The following SIPA1L1 variants were observed in gnomAD, a reference collection of about 807,000 sequenced individuals.
The protein encoded by SIPA1L1 is signal induced proliferation associated 1 like 1, also known as signal-induced proliferation-associated 1-like protein 1.
In SIPA1L1, 26 loss-of-function variants were observed where a neutral mutation model predicts 162.7. The observed-to-expected ratio is 0.16, with a 90% CI of 0.12 to 0.22. The LOEUF is 0.22. SIPA1L1 is among the 10% of genes least tolerant of loss of function. SIPA1L1 has a pLI of 1.00. For missense variants in SIPA1L1, 1,874 were observed against 2,241.0 expected (o/e 0.84, Z 3.31); for synonymous variants, 829 against 837.4 (o/e 0.99, Z 0.17).
At chr14:71,570,495 G>A (rs917996598) in intron 4 of SIPA1L1, among the ~76,000 whole-genome samples, 1 of 151,940 alleles carries the variant, frequency 6.6e-6, no homozygotes, top group African/African-American at 2.4e-5. Flanking sequence ...GAACTCCTGA[G>A]CTCAAGAGAT....
At chr14:71,561,451 G>T (rs562274245) in intron 4 of SIPA1L1, among the ~76,000 whole-genome samples, 22 of 152,220 alleles carry the variant, frequency 1.4e-4, no homozygotes, top group African/African-American at 5.1e-4. Flanking sequence ...AATTCGCAGT[G>T]CCCACCAGCA....
chr14:71,706,155 AC>A (rs1273191529), intron 16 of SIPA1L1, among the ~76,000 whole-genome samples: 2 of 152,220 alleles, frequency 1.3e-5, no homozygotes, highest in Non-Finnish European at 2.9e-5. Flanking sequence ...GCTAAAAAAA[AC>A]AAGCAAGAGT....
chr14:71,705,340 T>C lies in SIPA1L1; in HGVS notation c.3765T>C (p.His1255=). The change falls in exon 16 of 24, where the codon CAT becomes CAC. Residue 1255 remains histidine, a splice_region_variant and synonymous_variant. Transcript: ENST00000381232. ...ATTTGTCTCCAAACAAACAAGGGCATGTAAGTTAACTGTAAACTTAAAAAA... is the reference window on the plus strand; with the variant it reads ...ATTTGTCTCCAAACAAACAAGGGCACGTAAGTTAACTGTAAACTTAAAAAA... ...VVHLSPNKQG[H]SDSHYSSHSS... The C allele has an allele frequency of 6.2e-7, 1 of 1,606,062 alleles. No homozygotes were observed. Among genetic ancestry groups the C allele is most frequent in the East Asian group, 2.2e-5 (1 of 44,840 alleles).
intron 2 of SIPA1L1, among the ~76,000 whole-genome samples, chr14:71,366,869 A>G (rs1305246819): frequency 1.3e-5 from 2 of 152,196 alleles, no homozygotes; most frequent in Admixed American, 6.5e-5. Flanking sequence ...AGTGCTTTTT[A>G]AAACTTATTT....
At chr14:71,577,683 T>G (rs1184333454) in intron 4 of SIPA1L1, among the ~76,000 whole-genome samples, 1 of 151,864 alleles carries the variant, frequency 6.6e-6, no homozygotes, top group East Asian at 1.9e-4. Flanking sequence ...CCAGCTGCAC[T>G]TTGTGTTATA....
At chr14:71,517,376 T>G (rs949133671) in intron 3 of SIPA1L1, among the ~76,000 whole-genome samples, 1 of 152,168 alleles carries the variant, frequency 6.6e-6, no homozygotes, top group African/African-American at 2.4e-5. Flanking sequence ...CCCCTTGAGT[T>G]TTTTCACTTG....
chr14:71,656,273 G>A (rs1177877840), intron 8 of SIPA1L1, among the ~76,000 whole-genome samples: 1 of 152,244 alleles, frequency 6.6e-6, no homozygotes, highest in Non-Finnish European at 1.5e-5. Flanking sequence ...TTCCTCTCTG[G>A]CAGTAATCCT....
chr14:71,460,930 G>A (rs1371003396), intron 2 of SIPA1L1, among the ~76,000 whole-genome samples: 1 of 152,196 alleles, frequency 6.6e-6, no homozygotes, highest in Non-Finnish European at 1.5e-5. Flanking sequence ...TATCAATCCA[G>A]CTGCTTCAGG....
intron 4 of SIPA1L1, among the ~76,000 whole-genome samples, chr14:71,556,042 T>A (rs1297827061): frequency 6.6e-6 from 1 of 152,140 alleles, no homozygotes; most frequent in African/African-American, 2.4e-5. Context: ...AGTGAGCACA[T>A]GCTGTTGGAA....
At chr14:71,462,546 G>A (rs889203245) in intron 2 of SIPA1L1, among the ~76,000 whole-genome samples, 1 of 152,190 alleles carries the variant, frequency 6.6e-6, no homozygotes, top group Non-Finnish European at 1.5e-5. Context: ...GGTTGTAGGA[G>A]GAGCCAAATG....
At chr14:71,359,440 A>G (rs2037585771) in intron 2 of SIPA1L1, among the ~76,000 whole-genome samples, 1 of 152,166 alleles carries the variant, frequency 6.6e-6, no homozygotes, top group Admixed American at 6.5e-5. Flanking sequence ...TCTCCTCCAT[A>G]TAATTTGTCT....
chr14:71,687,171 C>A (rs1798614733), intron 13 of SIPA1L1, among the ~76,000 whole-genome samples: 1 of 152,214 alleles, frequency 6.6e-6, no homozygotes, highest in Non-Finnish European at 1.5e-5. Flanking sequence ...TCTACAACTT[C>A]TCATTTCATC....
intron 5 of SIPA1L1, among the ~76,000 whole-genome samples, chr14:71,594,000 A>C (rs566126431): frequency 3.4e-4 from 52 of 152,314 alleles, no homozygotes; most frequent in African/African-American, 1.2e-3. Context: ...ATGCTTATGC[A>C]CCTAAATATT....
At chr14:71,544,009 A>ATATATACACACACGCACATGTATG (rs2054806267) in intron 4 of SIPA1L1, among the ~76,000 whole-genome samples, 1 of 147,664 alleles carries the variant, frequency 6.8e-6, no homozygotes, top group Non-Finnish European at 1.5e-5. Flanking sequence ...ACGCACATGT[A>ATATATACACACACGCACATGTATG]TATATACACA....
intron 2 of SIPA1L1, among the ~76,000 whole-genome samples, chr14:71,359,235 C>T (rs780439393): frequency 7.9e-5 from 12 of 152,170 alleles, no homozygotes; most frequent in Non-Finnish European, 1.5e-4. Flanking sequence ...GGGCAGTTCC[C>T]CTGCACACGC....
At chr14:71,641,841 T>TA (rs916546220) in intron 7 of SIPA1L1, among the ~76,000 whole-genome samples, 5 of 151,916 alleles carry the variant, frequency 3.3e-5, no homozygotes, top group African/African-American at 7.3e-5. Context: ...TAATTTATAG[T>TA]AAAAAAAACA....
intron 8 of SIPA1L1, among the ~76,000 whole-genome samples, chr14:71,651,703 A>G (rs1449030308): frequency 6.6e-6 from 1 of 152,228 alleles, no homozygotes; most frequent in East Asian, 1.9e-4. Flanking sequence ...GAGAATGTGT[A>G]ATAAGCTCAG....
intron 2 of SIPA1L1, among the ~76,000 whole-genome samples, chr14:71,458,854 TGAGCTCAGGAGTTAG>T (rs1481010350): frequency 6.6e-5 from 10 of 152,088 alleles, no homozygotes; most frequent in African/African-American, 2.2e-4. Context: ...GGGGATTACC[TGAGCTCAGGAGTTAG>T]AGACCAACCT....
rs539293669 is a variant in SIPA1L1, at chr14:71,700,994, C to CAAAAAAAAAAA, written c.3522-1357_3522-1347dup. Among the ~76,000 whole-genome samples, 30 of 51,750 alleles carry CAAAAAAAAAAA rather than the reference C, an allele frequency of 5.8e-4. 2 individuals carry two copies. The highest frequency in any genetic ancestry group is 1.0e-3 in the Admixed American group (3 of 2,958). The allele number at this position is 51,750 out of a possible 152,430, so 34.0% of individuals were successfully genotyped here. On this transcript the variant is annotated intron_variant, in intron 14 of 23. Coordinates refer to ENST00000381232, the MANE Select transcript of SIPA1L1 (RefSeq NM_001386936.1). ...TAGGGGACAGAGCAAGACTCCGTCT[C>CAAAAAAAAAAA]AAAAAAAAAAAAAAAAAAAAAAAAA...
Sources: gnomAD v4.1 joint callset for allele counts (sites outside exome capture counted in the v4.1 genomes callset) on GRCh38, gnomAD v4.1.1 for gene constraint, MANE v1.5 for transcripts, NCBI Gene and HGNC (gene_info 2026-07-23, HGNC 2026-07-21) for gene names.